FAXC: variants seen among roughly 807,000 people sequenced by gnomAD.
The protein encoded by FAXC is failed axon connections homolog, metaxin like GST domain containing, also known as failed axon connections homolog.
A neutral mutation model predicts 41.9 loss-of-function variants in FAXC; 10 were observed. That is an observed-to-expected ratio of 0.24 (90% CI 0.15 to 0.41). FAXC has a LOEUF of 0.41. Among genes scored for constraint, FAXC ranks in the 10% least tolerant of loss-of-function variants. The probability of loss-of-function intolerance (pLI) is 1.00; values close to 1 mark genes in which losing one functional copy is unlikely to be tolerated. For synonymous variants in FAXC, 183 were observed against 183.8 expected, an observed-to-expected ratio of 1.00 and a Z score of 0.03; for missense variants, 399 against 510.9, an observed-to-expected ratio of 0.78 and a Z score of 2.11.
At chr6:99,305,293 T>C (rs1771877273) in intron 4 of FAXC, among the ~76,000 whole-genome samples, 1 of 152,152 alleles carries the variant, frequency 6.6e-6, no homozygotes, top group Non-Finnish European at 1.5e-5. Context: ...ACATGAGGTG[T>C]TTCTACCATG....
chr6:99,275,360 ATTAC>A lies in FAXC; in HGVS notation c.*5800_*5803del, dbSNP rs1300654629. ...GTACCGTATCCATCTTTTACTCCAGATTACTTGTTTTCCTACTGAAATGGTCAGT... is the reference window on the plus strand; with the variant it reads ...GTACCGTATCCATCTTTTACTCCAGATTGTTTTCCTACTGAAATGGTCAGT... On this transcript the variant is annotated 3_prime_UTR_variant, in exon 6 of 6. Transcript: ENST00000389677. The A allele has an allele frequency of 6.6e-6, 1 of 152,162 alleles. No homozygotes were observed. Among genetic ancestry groups the A allele is most frequent in the Non-Finnish European group, 1.5e-5 (1 of 68,036 alleles). 9.4% of individuals were successfully genotyped at this position (152,162 alleles called of 1,614,324 possible).
chr6:99,323,864 A>C (rs915787837), intron 3 of FAXC, among the ~76,000 whole-genome samples, 197 bp from the exon 4 acceptor site: 1 of 152,148 alleles, frequency 6.6e-6, no homozygotes, highest in African/African-American at 2.4e-5. Flanking sequence ...TTGTGGAAGA[A>C]ATGGGAAAAA....
rs1279306610 is a variant in FAXC, at chr6:99,349,617, G to C, written c.-245C>G. The C allele has an allele frequency of 1.3e-5, 2 of 154,080 alleles. No homozygotes were observed. The highest frequency in any genetic ancestry group is 2.9e-5 in the Non-Finnish European group (2 of 69,576). 9.5% of individuals were successfully genotyped at this position (154,080 alleles called of 1,614,324 possible). On this transcript the variant is annotated 5_prime_UTR_variant, in exon 1 of 6. Transcript: ENST00000389677. ...GCCCTGGGCGGCAGCAGCGGCCGCC[G>C]GCTCCCCCCGCAGCTGCCTCTCCGC...
intron 4 of FAXC, among the ~76,000 whole-genome samples, chr6:99,292,785 C>T (rs189993911): frequency 4.7e-4 from 71 of 152,282 alleles, no homozygotes; most frequent in African/African-American, 1.7e-3. Context: ...CAGTCCTTTC[C>T]ACATCCCACC....
intron 4 of FAXC, among the ~76,000 whole-genome samples, chr6:99,300,299 AT>A (rs1475551865): frequency 6.6e-6 from 1 of 152,196 alleles, no homozygotes; most frequent in Non-Finnish European, 1.5e-5. Context: ...ATACTTTATA[AT>A]TTTAGGAAAC....
At chr6:99,324,042 G>T (rs924126028) in intron 3 of FAXC, among the ~76,000 whole-genome samples, 1 of 152,158 alleles carries the variant, frequency 6.6e-6, no homozygotes. Flanking sequence ...TGGGGGCACA[G>T]GGCAGGAGGC....
At chr6:99,299,203 G>A (rs571416222) in intron 4 of FAXC, among the ~76,000 whole-genome samples, 2 of 152,226 alleles carry the variant, frequency 1.3e-5, no homozygotes, top group South Asian at 4.1e-4. Flanking sequence ...GTTTATTTCA[G>A]ACCACTGGAA....
At chr6:99,322,716 G>A (rs1562174367) in intron 4 of FAXC, among the ~76,000 whole-genome samples, 2 of 152,152 alleles carry the variant, frequency 1.3e-5, no homozygotes, top group Non-Finnish European at 2.9e-5. Flanking sequence ...TCATCGCTAT[G>A]AATCAAGCTC....
At chr6:99,335,111 G>C (rs1773170394) in intron 2 of FAXC, among the ~76,000 whole-genome samples, 1 of 152,154 alleles carries the variant, frequency 6.6e-6, no homozygotes, top group East Asian at 1.9e-4. Flanking sequence ...TGCTTCCACT[G>C]TATGGTGTGT....
intron 2 of FAXC, among the ~76,000 whole-genome samples, chr6:99,341,781 G>A (rs559967557): frequency 6.6e-6 from 1 of 152,232 alleles, no homozygotes; most frequent in Non-Finnish European, 1.5e-5. Flanking sequence ...TATCCAAACA[G>A]AGAATATGTA....
At chr6:99,317,930 T>C (rs1772426074) in intron 4 of FAXC, among the ~76,000 whole-genome samples, 1 of 152,122 alleles carries the variant, frequency 6.6e-6, no homozygotes, top group South Asian at 2.1e-4. Flanking sequence ...GCACCAAGGG[T>C]GATACACAGC....
chr6:99,295,627 A>C (rs145016574), intron 4 of FAXC, among the ~76,000 whole-genome samples: 15 of 152,280 alleles, frequency 9.9e-5, no homozygotes, highest in African/African-American at 3.4e-4. Context: ...AGCTTCCATA[A>C]TTGTGTGAGC....
chr6:99,287,024 T>C (rs952088771), intron 5 of FAXC, among the ~76,000 whole-genome samples: 1 of 152,108 alleles, frequency 6.6e-6, no homozygotes, highest in African/African-American at 2.4e-5. Flanking sequence ...AAGGAAATAA[T>C]CAGAGATGAG....
chr6:99,345,430 C>G (rs1275110780), intron 1 of FAXC, among the ~76,000 whole-genome samples: 3 of 152,170 alleles, frequency 2.0e-5, no homozygotes, highest in Admixed American at 1.3e-4. Context: ...TGGTTACAGA[C>G]AGAGTCTGAA....
chr6:99,346,566 G>GTT (rs1161569990), intron 1 of FAXC, among the ~76,000 whole-genome samples: 1,734 of 149,518 alleles, frequency 0.012, 31 homozygotes, highest in African/African-American at 0.04. Context: ...TTTTTGTGGG[G>GTT]TTTTTTTGTT....
intron 4 of FAXC, among the ~76,000 whole-genome samples, chr6:99,293,698 G>GTGTC (rs1771341054): frequency 2.1e-5 from 3 of 143,892 alleles, no homozygotes; most frequent in Non-Finnish European, 4.6e-5. Flanking sequence ...GTGTGTGTGT[G>GTGTC]TGTGTGTGTG....
chr6:99,316,184 C>G (rs1203681455), intron 4 of FAXC, among the ~76,000 whole-genome samples: 1 of 151,540 alleles, frequency 6.6e-6, no homozygotes, highest in Non-Finnish European at 1.5e-5. Flanking sequence ...AGGGGTTGCC[C>G]CCTTAACATT....
At chr6:99,336,793 T>C (rs1773233345) in intron 2 of FAXC, among the ~76,000 whole-genome samples, 1 of 152,132 alleles carries the variant, frequency 6.6e-6, no homozygotes, top group South Asian at 2.1e-4. Context: ...AGATGTGCAG[T>C]GCCTTCATCA....
Position 99,343,375 on chromosome 6 carries a change from G to A in FAXC, c.267-342C>T, listed in dbSNP as rs368917125. On this transcript the variant is annotated intron_variant, in intron 1 of 5. Coordinates refer to ENST00000389677, the MANE Select transcript of FAXC (RefSeq NM_032511.4). ...GTACTGGTCCACCTATTCTCCAGCC[G>A]GCTGTATTTACCTGCTAGGACAAGC... Among the ~76,000 whole-genome samples, 15 of 152,260 alleles carry A rather than the reference G, an allele frequency of 9.9e-5. No homozygotes were observed. The East Asian group carries it at 1.3e-3, about 14-fold the overall frequency.
Sources: allele counts gnomAD v4.1 joint callset (sites outside exome capture counted in the v4.1 genomes callset), GRCh38; gene constraint gnomAD v4.1.1; transcripts MANE v1.5; gene names NCBI Gene and HGNC (gene_info 2026-07-23, HGNC 2026-07-21).